Variants in RIN3 observed in about 807,000 individuals in gnomAD.
The protein encoded by RIN3 is RAB5 interacting protein 3.
Under a neutral mutation model 76.3 loss-of-function variants are expected in RIN3, and 54 were observed. The observed-to-expected ratio is 0.71, with a 90% CI of 0.57 to 0.89. The LOEUF (loss-of-function observed/expected upper bound fraction) is 0.89, where lower values mean the gene tolerates loss of function less well. Among genes scored for constraint, RIN3 ranks in the 40% least tolerant of loss-of-function variants. RIN3 has a pLI of 0.00. For synonymous variants in RIN3, 576 were observed against 564.0 expected, an observed-to-expected ratio of 1.02 and a Z score of -0.30; for missense variants, 1,256 against 1,322.1, an observed-to-expected ratio of 0.95 and a Z score of 0.78.
chr14:92,632,129 G>A lies in RIN3; in HGVS notation c.441-9109G>A, dbSNP rs1245342596. The stretch of plus-strand genomic sequence containing the variant: ...GTCTGGTCCTGTCGGCAGCTCTGGA[G>A]CATAAAGTAAACCTGGGGCCACTCC... On this transcript the variant is annotated intron_variant, in intron 4 of 9. Transcript: ENST00000216487. Among the ~76,000 whole-genome samples the A allele has an allele frequency of 2.0e-5, 3 of 152,308 alleles. No individual in the cohort carries two copies. In the East Asian group the frequency reaches 5.8e-4, roughly 29 times the overall value.
At chr14:92,603,521 A>G (rs887940641) in intron 3 of RIN3, among the ~76,000 whole-genome samples, 1 of 152,186 alleles carries the variant, frequency 6.6e-6, no homozygotes, top group African/African-American at 2.4e-5. Context: ...ACTTAGAGAA[A>G]GCAAGTCTCA....
Position 92,651,835 on chromosome 14 carries a change from G to T in RIN3, c.786G>T (p.Leu262Phe), listed in dbSNP as rs1164516358. ...TTGGAAATTGCCCTGCACGCCCTTT[G>T]CCGCCCACCTCTGATGCCACCTCAC... ...PPLGNCPARP[L>F]PPTSDATSPT... Residue 262 changes from leucine to phenylalanine, a missense_variant, in exon 6 of 10, where the codon TTG becomes TTT. Around this residue, in one of 3 missense-constraint regions of RIN3, gnomAD observed 610 missense variants for 626.4 expected, o/e 0.97. Coordinates refer to ENST00000216487, the MANE Select transcript of RIN3 (RefSeq NM_024832.5). 1 of 1,611,872 alleles carries T rather than the reference G, an allele frequency of 6.2e-7. No homozygotes were observed. Among genetic ancestry groups the T allele is most frequent in the African/African-American group, 1.3e-5 (1 of 74,746 alleles).
At chr14:92,572,301 T>C (rs1898081057) in intron 2 of RIN3, among the ~76,000 whole-genome samples, 1 of 152,218 alleles carries the variant, frequency 6.6e-6, no homozygotes, top group Non-Finnish European at 1.5e-5. Context: ...TTTGAGGCCT[T>C]CTTCCCTTAC....
chr14:92,680,725 G>A (rs1888634050), intron 8 of RIN3, among the ~76,000 whole-genome samples: 1 of 152,228 alleles, frequency 6.6e-6, no homozygotes, highest in Non-Finnish European at 1.5e-5. Context: ...AGGTGAGCAA[G>A]CCATTCTGTG....
chr14:92,598,177 C>G (rs548193296), intron 3 of RIN3, among the ~76,000 whole-genome samples: 36 of 152,276 alleles, frequency 2.4e-4, no homozygotes, highest in African/African-American at 8.7e-4. Flanking sequence ...TGTAAGAAAT[C>G]TGACGACTGA....
At chr14:92,616,328 G>A (rs1270700990) in intron 4 of RIN3, among the ~76,000 whole-genome samples, 5 of 152,248 alleles carry the variant, frequency 3.3e-5, no homozygotes, top group African/African-American at 9.6e-5. Flanking sequence ...CACCGTTACA[G>A]AATTTTGGGA....
intron 8 of RIN3, among the ~76,000 whole-genome samples, chr14:92,682,731 GCCTC>G (rs1318949318): frequency 1.3e-5 from 2 of 152,218 alleles, no homozygotes; most frequent in African/African-American, 4.8e-5. Context: ...AGAGTCTCCT[GCCTC>G]TACCCAAGCT....
chr14:92,613,712 G>T (rs180923373), intron 3 of RIN3, among the ~76,000 whole-genome samples: 2 of 152,154 alleles, frequency 1.3e-5, no homozygotes. Context: ...AGGCACTGAG[G>T]GGGGAAAGGG....
intron 2 of RIN3, among the ~76,000 whole-genome samples, chr14:92,559,372 G>T (rs1897696835): frequency 6.6e-6 from 1 of 152,240 alleles, no homozygotes; most frequent in South Asian, 2.1e-4. Flanking sequence ...ACAGGGCTGA[G>T]GTTTGAACCC....
chr14:92,550,115 CAA>C (rs879521139), intron 1 of RIN3, among the ~76,000 whole-genome samples: 2 of 152,196 alleles, frequency 1.3e-5, no homozygotes, highest in Non-Finnish European at 2.9e-5. Flanking sequence ...AGCTGTAAAA[CAA>C]AGCCTGCGTG....
chr14:92,658,312 C>T (rs1328701322), intron 6 of RIN3, among the ~76,000 whole-genome samples: 1 of 152,218 alleles, frequency 6.6e-6, no homozygotes, highest in Admixed American at 6.5e-5. Context: ...GAGGCGACTG[C>T]ACCACACAAA....
intron 1 of RIN3, among the ~76,000 whole-genome samples, chr14:92,536,523 C>A (rs551482024): frequency 1.3e-5 from 2 of 152,210 alleles, no homozygotes; most frequent in Non-Finnish European, 1.5e-5. Context: ...TTGGGCAGAT[C>A]ACGAGGTCAG....
At chr14:92,543,279 C>T (rs754582896) in intron 1 of RIN3, among the ~76,000 whole-genome samples, 1 of 152,066 alleles carries the variant, frequency 6.6e-6, no homozygotes, top group Non-Finnish European at 1.5e-5. Flanking sequence ...GAGTAGTCCT[C>T]ATGGCCCTAT....
At chr14:92,665,147 T>C (rs1595496789) in intron 7 of RIN3, among the ~76,000 whole-genome samples, 2 of 152,324 alleles carry the variant, frequency 1.3e-5, no homozygotes, top group East Asian at 3.9e-4. Context: ...GTATGGTCCA[T>C]TGCCCCCAGG....
At chr14:92,595,439 A>G (rs1885119464) in intron 3 of RIN3, among the ~76,000 whole-genome samples, 1 of 152,236 alleles carries the variant, frequency 6.6e-6, no homozygotes, top group African/African-American at 2.4e-5. Flanking sequence ...GAGGACTTCT[A>G]AAGAGATGTT....
intron 4 of RIN3, among the ~76,000 whole-genome samples, chr14:92,634,411 T>G (rs8010626): frequency 0.9 from 136,201 of 152,120 alleles, 61,197 homozygotes; most frequent in African/African-American, 0.94. Flanking sequence ...AATTCCCATT[T>G]TTGTGAATGC....
intron 3 of RIN3, among the ~76,000 whole-genome samples, chr14:92,590,082 C>T (rs1884926883): frequency 6.6e-6 from 1 of 152,190 alleles, no homozygotes; most frequent in Admixed American, 6.5e-5. Flanking sequence ...TCACTGTGGA[C>T]AGGCCTGAGT....
At chr14:92,575,378 G>A (rs560562065) in intron 2 of RIN3, among the ~76,000 whole-genome samples, 8 of 152,146 alleles carry the variant, frequency 5.3e-5, no homozygotes, top group African/African-American at 1.7e-4. Context: ...AAGAATTTGG[G>A]GTGAGTCCAA....
At position 92,651,853 on chromosome 14, in the gene RIN3, C is replaced by T. The variant is rs3814830; in HGVS notation, c.804C>T (p.Ala268=). Residue 268 remains alanine (A), a synonymous_variant, in exon 6 of 10, where the codon GCC becomes GCT. Transcript: ENST00000216487. ...GCCCTTTGCCGCCCACCTCTGATGCCACCTCACCCACCTCCAGGTGGGCCC... is the reference window on the plus strand; with the variant it reads ...GCCCTTTGCCGCCCACCTCTGATGCTACCTCACCCACCTCCAGGTGGGCCC... The part of the protein sequence containing the change: ...PARPLPPTSD[A]TSPTSRWAPR... 0.18 allele frequency: 287,304 copies of T among 1,608,658 alleles called. 28,937 individuals carry two copies. The highest frequency in any genetic ancestry group is 0.33 in the African/African-American group (24,813 of 74,456).
Sources: allele counts gnomAD v4.1 joint callset (sites outside exome capture counted in the v4.1 genomes callset), GRCh38; gene constraint gnomAD v4.1.1; regional missense constraint gnomAD v4.1.1; transcripts MANE v1.5; gene names NCBI Gene and HGNC (gene_info 2026-07-23, HGNC 2026-07-21).